NCK2: variants seen among roughly 807,000 people sequenced by gnomAD.
NCK2 encodes cytoplasmic protein NCK2.
A neutral mutation model predicts 33.9 loss-of-function variants in NCK2; 16 were observed. The observed-to-expected ratio is 0.47, with a 90% CI of 0.32 to 0.72. NCK2 has a LOEUF of 0.72. Ranked by LOEUF, NCK2 falls within the 30% of genes least tolerant of loss-of-function variation. The probability of loss-of-function intolerance (pLI) is 0.03; values close to 1 mark genes in which losing one functional copy is unlikely to be tolerated. For synonymous variants in NCK2, 273 were observed against 239.9 expected (o/e 1.14, Z -1.27); for missense variants, 418 against 537.3 (o/e 0.78, Z 2.19).
intron 2 of NCK2, among the ~76,000 whole-genome samples, chr2:105,818,072 T>G (rs1675564294): frequency 6.6e-6 from 1 of 151,844 alleles, no homozygotes; most frequent in African/African-American, 2.4e-5. Context: ...ATGTGGCACA[T>G]ATACACCATG....
intron 3 of NCK2, chr2:105,857,025 GTCT>G (rs2104589236): frequency 9.7e-6 from 1 of 102,748 alleles, no homozygotes; most frequent in East Asian, 3.0e-4. Flanking sequence ...CTTGTTGTGT[GTCT>G]TCTTTTTTTT....
intron 2 of NCK2, among the ~76,000 whole-genome samples, chr2:105,825,434 C>T (rs1675902956): frequency 6.6e-6 from 1 of 152,174 alleles, no homozygotes; most frequent in Admixed American, 6.5e-5. Flanking sequence ...TTGTCTTATG[C>T]TCAGAAATTT....
chr2:105,880,804 C>A (rs559662494), intron 3 of NCK2, among the ~76,000 whole-genome samples: 1 of 152,282 alleles, frequency 6.6e-6, no homozygotes, highest in East Asian at 1.9e-4. Context: ...GAGACAGGGC[C>A]TCACTCTGTT....
At chr2:105,850,264 T>C (rs1041182177) in intron 2 of NCK2, among the ~76,000 whole-genome samples, 2 of 152,220 alleles carry the variant, frequency 1.3e-5, no homozygotes, top group African/African-American at 4.8e-5. Flanking sequence ...CACTGGCTAC[T>C]ATCAGGAGTG....
chr2:105,881,560 C>T lies in NCK2; in HGVS notation c.459C>T (p.Tyr153=). 3.7e-6 allele frequency: 6 copies of T among 1,613,960 alleles called. No individual in the cohort carries two copies. The highest frequency in any genetic ancestry group is 5.1e-6 in the Non-Finnish European group (6 of 1,180,014). ...GCGACGGTTGGTGGCGGGGCAGCTACAACGGGCAGATCGGCTGGTTCCCCT... is the reference window on the plus strand; with the variant it reads ...GCGACGGTTGGTGGCGGGGCAGCTATAACGGGCAGATCGGCTGGTTCCCCT... ...KCSDGWWRGS[Y]NGQIGWFPSN... The change falls in exon 4 of 5, where the codon TAC becomes TAT. Residue 153 remains tyrosine, a synonymous_variant. Coordinates refer to ENST00000233154, the MANE Select transcript of NCK2 (RefSeq NM_003581.5).
At chr2:105,752,451 T>A (rs1689482127) in intron 1 of NCK2, among the ~76,000 whole-genome samples, 1 of 152,218 alleles carries the variant, frequency 6.6e-6, no homozygotes, top group Non-Finnish European at 1.5e-5. Context: ...GTGGTTTGAA[T>A]TCTAGAAGTT....
At chr2:105,808,412 A>G (rs1675166275) in intron 1 of NCK2, among the ~76,000 whole-genome samples, 1 of 152,164 alleles carries the variant, frequency 6.6e-6, no homozygotes, top group East Asian at 1.9e-4. Context: ...CAAGGGCTGG[A>G]CTCCCTGATA....
chr2:105,881,540 G>A lies in NCK2; in HGVS notation c.439G>A (p.Gly147Ser), dbSNP rs1678484631. ...RVTVMEKCSD[G>S]WWRGSYNGQI... ...CACCGTCATGGAGAAGTGCAGCGAC[G>A]GTTGGTGGCGGGGCAGCTACAACGG... The change falls in exon 4 of 5, where the codon GGT becomes AGT. Residue 147 changes from glycine (G) to serine (S), a missense_variant. Physicochemically the swap from Gly to Ser is moderately conservative, Grantham distance 56. Transcript: ENST00000233154. 1 of 1,614,012 alleles carries A rather than the reference G, an allele frequency of 6.2e-7. No homozygotes were observed. Among genetic ancestry groups the A allele is most frequent in the Non-Finnish European group, 8.5e-7 (1 of 1,180,024 alleles).
intron 1 of NCK2, among the ~76,000 whole-genome samples, chr2:105,790,325 CT>C (rs1202353410): frequency 2.0e-5 from 3 of 152,250 alleles, no homozygotes; most frequent in Non-Finnish European, 2.9e-5. Context: ...TCTTGCCCTG[CT>C]GACTCAGAGT....
At chr2:105,758,137 G>A (rs1004511827) in intron 1 of NCK2, among the ~76,000 whole-genome samples, 36 of 152,016 alleles carry the variant, frequency 2.4e-4, no homozygotes, top group African/African-American at 8.0e-4. Flanking sequence ...ACTACTTGGC[G>A]CTTTGAGTGG....
At chr2:105,870,446 A>G (rs1047316150) in intron 3 of NCK2, among the ~76,000 whole-genome samples, 9 of 152,218 alleles carry the variant, frequency 5.9e-5, no homozygotes, top group African/African-American at 1.9e-4. Flanking sequence ...ATTATGGGGT[A>G]TGCATGCCTA....
At chr2:105,837,611 A>T (rs993396991) in intron 2 of NCK2, among the ~76,000 whole-genome samples, 11 of 152,304 alleles carry the variant, frequency 7.2e-5, no homozygotes, top group African/African-American at 2.4e-4. Context: ...TCTGTACTGC[A>T]TATAAGTAGA....
At chr2:105,859,091 G>A (rs913988247) in intron 3 of NCK2, among the ~76,000 whole-genome samples, 4 of 152,234 alleles carry the variant, frequency 2.6e-5, no homozygotes, top group Admixed American at 6.5e-5. Flanking sequence ...TTAGAAAATT[G>A]TGCAGGCGAG....
rs574812112 is a variant in NCK2, at chr2:105,757,097, G to A, written c.-201+11959G>A. On this transcript the variant is annotated intron_variant, in intron 1 of 4. Coordinates refer to ENST00000233154, the MANE Select transcript of NCK2 (RefSeq NM_003581.5). ...TGGGATTACAAGTGTGAGCCACCGC[G>A]CCTGGCCCCATTCTGAACTTTATTA... Among the ~76,000 whole-genome samples the A allele has an allele frequency of 1.0e-3, 156 of 152,258 alleles. 1 individual carries two copies. Among genetic ancestry groups the A allele is most frequent in the Middle Eastern group, 3.4e-3 (1 of 294 alleles).
At chr2:105,756,930 C>T (rs1185455532) in intron 1 of NCK2, among the ~76,000 whole-genome samples, 4 of 152,152 alleles carry the variant, frequency 2.6e-5, no homozygotes, top group African/African-American at 4.8e-5. Context: ...GTCAGCCTCC[C>T]GAGTAGCTGG....
At chr2:105,885,500 T>G (rs1376369899) in intron 4 of NCK2, among the ~76,000 whole-genome samples, 1 of 152,216 alleles carries the variant, frequency 6.6e-6, no homozygotes, top group Non-Finnish European at 1.5e-5. Flanking sequence ...TTCAGGCAAT[T>G]TCATCATTCC....
At chr2:105,751,849 G>A (rs1373067084) in intron 1 of NCK2, among the ~76,000 whole-genome samples, 1 of 152,188 alleles carries the variant, frequency 6.6e-6, no homozygotes, top group Non-Finnish European at 1.5e-5. Flanking sequence ...GTCAAGAGCA[G>A]TGCTGACCCC....
chr2:105,746,207 C>T (rs1452459609), intron 1 of NCK2, among the ~76,000 whole-genome samples: 2 of 152,226 alleles, frequency 1.3e-5, no homozygotes, highest in African/African-American at 4.8e-5. Context: ...AAGTTTGCAT[C>T]TGCATAATGG....
intron 1 of NCK2, among the ~76,000 whole-genome samples, chr2:105,782,150 C>T (rs561335963): frequency 1.4e-3 from 217 of 152,266 alleles, no homozygotes; most frequent in African/African-American, 5.1e-3. Context: ...AGAGTGGGAG[C>T]CTATCACCGA....
Sources: gnomAD v4.1 joint callset for allele counts (sites outside exome capture counted in the v4.1 genomes callset) on GRCh38, gnomAD v4.1.1 for gene constraint, MANE v1.5 for transcripts, NCBI Gene and HGNC (gene_info 2026-07-23, HGNC 2026-07-21) for gene names.